The following MAGI2 variants were observed in gnomAD, a reference collection of about 807,000 sequenced individuals.
MAGI2 encodes the protein membrane associated guanylate kinase, WW and PDZ domain containing 2, also known as membrane-associated guanylate kinase, WW and PDZ domain-containing protein 2.
MAGI2 carries 35 observed loss-of-function variants against 133.3 expected under a neutral mutation model. That is an observed-to-expected ratio of 0.26 (90% CI 0.20 to 0.35). The LOEUF is 0.35. MAGI2 is among the 10% of genes least tolerant of loss of function. The pLI is 1.00. For synonymous variants in MAGI2, 729 were observed against 710.6 expected, an observed-to-expected ratio of 1.03 and a Z score of -0.41; for missense variants, 1,636 against 1,863.4, an observed-to-expected ratio of 0.88 and a Z score of 2.25.
chr7:78,794,413 T>C (rs371291362), intron 2 of MAGI2, among the ~76,000 whole-genome samples: 1 of 152,224 alleles, frequency 6.6e-6, no homozygotes, highest in African/African-American at 2.4e-5. Flanking sequence ...CAGACTTGTG[T>C]GGTTATAAAA....
At chr7:78,465,330 T>C (rs1047526496) in intron 6 of MAGI2, among the ~76,000 whole-genome samples, 6 of 152,168 alleles carry the variant, frequency 3.9e-5, no homozygotes, top group Non-Finnish European at 5.9e-5. Context: ...AGAATAGCAA[T>C]GGGCACATAG....
intron 2 of MAGI2, among the ~76,000 whole-genome samples, chr7:78,912,248 G>A (rs1352747778): frequency 6.6e-6 from 1 of 152,028 alleles, no homozygotes; most frequent in Non-Finnish European, 1.5e-5. Context: ...TGAAAATGTA[G>A]GATTACTATA....
chr7:79,451,621 C>T (rs1849256722), intron 1 of MAGI2, among the ~76,000 whole-genome samples: 1 of 152,298 alleles, frequency 6.6e-6, no homozygotes, highest in Middle Eastern at 3.4e-3. Flanking sequence ...AAACCTTGCC[C>T]AGTACTTCTT....
chr7:78,124,490 C>G (rs1820770298), intron 20 of MAGI2, among the ~76,000 whole-genome samples: 1 of 152,114 alleles, frequency 6.6e-6, no homozygotes, highest in Non-Finnish European at 1.5e-5. Context: ...AATCCTCTGA[C>G]TTGGAAATGC....
At chr7:78,195,681 G>A (rs2150741299) in intron 11 of MAGI2, among the ~76,000 whole-genome samples, 2 of 152,214 alleles carry the variant, frequency 1.3e-5, no homozygotes, top group East Asian at 3.9e-4. Context: ...TGCTACTGAT[G>A]TTGCTACTGC....
chr7:78,927,940 T>A (rs1799839860), intron 2 of MAGI2, among the ~76,000 whole-genome samples: 1 of 151,952 alleles, frequency 6.6e-6, no homozygotes, highest in African/African-American at 2.4e-5. Flanking sequence ...TAAGGTGCCA[T>A]ATGCTAAAAT....
intron 5 of MAGI2, among the ~76,000 whole-genome samples, chr7:78,494,477 G>C (rs1793909108): frequency 6.6e-6 from 1 of 152,006 alleles, no homozygotes. Flanking sequence ...CTATTCTTCT[G>C]TTCCAGTTTT....
intron 1 of MAGI2, among the ~76,000 whole-genome samples, chr7:79,292,246 T>C (rs1272497439): frequency 1.3e-5 from 2 of 152,164 alleles, no homozygotes; most frequent in Non-Finnish European, 2.9e-5. Flanking sequence ...ATTTCATTGG[T>C]CTGTATACAA....
At chr7:78,558,753 C>G (rs1800079042) in intron 3 of MAGI2, among the ~76,000 whole-genome samples, 1 of 151,498 alleles carries the variant, frequency 6.6e-6, no homozygotes, top group Admixed American at 6.6e-5. Flanking sequence ...GTGACTTGGT[C>G]TCAATAACTA....
At chr7:79,396,849 G>T (rs1045335113) in intron 1 of MAGI2, among the ~76,000 whole-genome samples, 7 of 151,764 alleles carry the variant, frequency 4.6e-5, no homozygotes, top group African/African-American at 1.7e-4. Context: ...AAAACTGACA[G>T]CATTGACCTG....
At chr7:78,260,324 C>T (rs1054710585) in intron 9 of MAGI2, among the ~76,000 whole-genome samples, 2 of 152,090 alleles carry the variant, frequency 1.3e-5, no homozygotes, top group Admixed American at 1.3e-4. Context: ...ATGCCAAGTC[C>T]TCAGACAGAT....
chr7:78,329,364 T>C (rs1373638405), intron 9 of MAGI2, among the ~76,000 whole-genome samples: 4 of 152,200 alleles, frequency 2.6e-5, no homozygotes, highest in Non-Finnish European at 5.9e-5. Context: ...TTCAGAATAC[T>C]AAGAAATTCA....
chr7:78,406,187 T>C (rs1423853526), intron 6 of MAGI2, among the ~76,000 whole-genome samples: 1 of 152,006 alleles, frequency 6.6e-6, no homozygotes, highest in East Asian at 1.9e-4. Context: ...ACCCTCCAAA[T>C]AAGCATTTTA....
chr7:79,259,825 C>T (rs188520317), intron 1 of MAGI2, among the ~76,000 whole-genome samples: 163 of 152,250 alleles, frequency 1.1e-3, no homozygotes, highest in African/African-American at 3.7e-3. Context: ...TGTATTTACC[C>T]TGTTTAACAC....
At chr7:79,114,498 A>G (rs1469748289) in intron 1 of MAGI2, among the ~76,000 whole-genome samples, 1 of 152,188 alleles carries the variant, frequency 6.6e-6, no homozygotes, top group East Asian at 1.9e-4. Flanking sequence ...GCAAGCTTCA[A>G]TTTAATCATT....
intron 4 of MAGI2, among the ~76,000 whole-genome samples, chr7:78,510,651 A>T (rs1418158324): frequency 6.6e-6 from 1 of 152,186 alleles, no homozygotes; most frequent in Non-Finnish European, 1.5e-5. Flanking sequence ...TTCTTCCTCA[A>T]TAGAGACATG....
intron 7 of MAGI2, chr7:78,359,384 G>C (rs1462965323): frequency 6.6e-6 from 1 of 152,192 alleles, no homozygotes; most frequent in Non-Finnish European, 1.5e-5. Context: ...GTGACCAAGA[G>C]GTGGCAGGGG....
At chr7:78,541,863 T>A (rs1191070380) in intron 3 of MAGI2, among the ~76,000 whole-genome samples, 1 of 152,248 alleles carries the variant, frequency 6.6e-6, no homozygotes, top group Admixed American at 6.5e-5. Flanking sequence ...AAATAATCTT[T>A]ATGAAAAGAC....
At chr7:79,341,956 C>G (rs1840934263) in intron 1 of MAGI2, among the ~76,000 whole-genome samples, 1 of 152,164 alleles carries the variant, frequency 6.6e-6, no homozygotes, top group South Asian at 2.1e-4. Context: ...GACTAGAGTT[C>G]TGTTCCTCAG....
Sources: allele counts gnomAD v4.1 joint callset (sites outside exome capture counted in the v4.1 genomes callset), GRCh38; gene constraint gnomAD v4.1.1; transcripts MANE v1.5; gene names NCBI Gene and HGNC (gene_info 2026-07-23, HGNC 2026-07-21).